MYOF: variants seen among roughly 807,000 people sequenced by gnomAD.
The protein encoded by MYOF is fer-1-like 3, myoferlin.
MYOF carries 244 observed loss-of-function variants against 284.2 expected under a neutral mutation model. The observed-to-expected ratio is 0.86, with a 90% CI of 0.77 to 0.95. MYOF has a LOEUF of 0.95. Among genes scored for constraint, MYOF ranks in the 40% least tolerant of loss-of-function variants. The pLI, the probability that MYOF is intolerant of heterozygous loss-of-function variation, is 0.00. For missense variants in MYOF, 2,496 were observed against 2,560.6 expected, an observed-to-expected ratio of 0.97 and a Z score of 0.54; for synonymous variants, 904 against 919.7, an observed-to-expected ratio of 0.98 and a Z score of 0.31.
intron 4 of MYOF, among the ~76,000 whole-genome samples, chr10:93,428,890 A>T (rs1055246110): frequency 9.2e-5 from 14 of 152,310 alleles, no homozygotes; most frequent in African/African-American, 3.4e-4. Context: ...TGTGGTTTTC[A>T]TGCTGTGTTC....
At chr10:93,445,367 C>G (rs935355519) in intron 3 of MYOF, among the ~76,000 whole-genome samples, 1 of 152,244 alleles carries the variant, frequency 6.6e-6, no homozygotes, top group African/African-American at 2.4e-5. Flanking sequence ...CTGGGCACAG[C>G]CCTTGGCACA....
Position 93,373,077 on chromosome 10 carries a change from G to A in MYOF, c.2310C>T (p.Asn770=). ...KLMQLTEEPQ[N]SMPDIIIWMI... is the part of the protein sequence containing the mutation. ...TCCAGATGATGATGTCAGGCATGCT[G>A]TTCTGTGGCTGGTCATGAGGATTGG... is the stretch of plus-strand genomic sequence containing the variant. Residue 770 remains asparagine, a synonymous_variant, in exon 24 of 54, where the codon AAC becomes AAT. Coordinates refer to ENST00000359263, the MANE Select transcript of MYOF (RefSeq NM_013451.4). 1.2e-6 allele frequency: 2 copies of A among 1,614,172 alleles called. No individual in the cohort carries two copies. Among genetic ancestry groups the A allele is most frequent in the Non-Finnish European group, 1.7e-6 (2 of 1,180,010 alleles).
In MYOF at chr10:93,381,755, G is replaced by T. The variant is rs180904226; in HGVS notation, c.1699-359C>A. 1.5e-4 allele frequency among the ~76,000 whole-genome samples: 23 copies of T among 152,194 alleles called. 1 individual carries two copies. The East Asian group carries it at 4.1e-3, about 27-fold the overall frequency. ...CCATGAAAAAAGAGTATATTTTTTGGGCTGGGTACGGTGGCTCATGCCTGT... is the reference window on the plus strand; with the variant it reads ...CCATGAAAAAAGAGTATATTTTTTGTGCTGGGTACGGTGGCTCATGCCTGT... On this transcript the variant is annotated intron_variant, in intron 19 of 53. Coordinates refer to ENST00000359263, the MANE Select transcript of MYOF (RefSeq NM_013451.4).
chr10:93,364,970 T>G (rs992888835), intron 26 of MYOF, among the ~76,000 whole-genome samples: 3 of 152,128 alleles, frequency 2.0e-5, no homozygotes, highest in Non-Finnish European at 4.4e-5. Context: ...AGCCCTGACA[T>G]GCTTTGACCT....
At chr10:93,377,756 T>G (rs58702687) in intron 21 of MYOF, among the ~76,000 whole-genome samples, 14,833 of 152,158 alleles carry the variant, frequency 0.097, 2,411 homozygotes, top group African/African-American at 0.34. Context: ...AGTAGGCTTA[T>G]TTTTCACAGT....
chr10:93,427,197 TAAAAC>T (rs1554861308), intron 4 of MYOF, among the ~76,000 whole-genome samples: 3 of 139,250 alleles, frequency 2.2e-5, no homozygotes, highest in Non-Finnish European at 4.6e-5. Flanking sequence ...GACTCTGTCT[TAAAAC>T]AAAACAAAAC....
rs1845216834 is a variant in MYOF, at chr10:93,364,132, G to T, written c.2754-57C>A. The T allele has an allele frequency of 7.5e-6, 11 of 1,464,140 alleles. No homozygotes were observed. The South Asian group carries it at 1.1e-4, about 15-fold the overall frequency. The allele number at this position is 1,464,140 out of a possible 1,614,324, so 90.7% of individuals were successfully genotyped here. On this transcript the variant is annotated intron_variant, in intron 26 of 53. Coordinates refer to ENST00000359263, the MANE Select transcript of MYOF (RefSeq NM_013451.4). ...GGAGACCGGGTAACCGGCAGCCTCG[G>T]CGATTGCCAACACTCAGGAAGCATC...
chr10:93,401,597 A>G (rs1412368378), intron 11 of MYOF, 53 bp from the exon 12 acceptor site: 2 of 1,593,374 alleles, frequency 1.3e-6, no homozygotes, highest in Admixed American at 1.7e-5. Flanking sequence ...GCACTTGGAA[A>G]AAGCCAAATT....
chr10:93,480,478 T>C (rs1381055598), intron 1 of MYOF, among the ~76,000 whole-genome samples: 1 of 138,364 alleles, frequency 7.2e-6, no homozygotes, highest in Non-Finnish European at 1.6e-5. Flanking sequence ...TTTTTTTTTT[T>C]TTTTTTTTTT....
rs777780121 is a variant in MYOF at position 93,409,595 on chromosome 10, G to A, written c.578C>T (p.Ser193Leu). ...TKVKNSRRML[S>L]NKPQDFQIRV... ...TACCTGGAAGTCCTGTGGCTTATTT[G>A]ACAGCATCCGCCGGCTGTTCTTTAC... The change falls in exon 6 of 54, where the codon TCA (serine) becomes TTA (leucine). Residue 193 changes from serine to leucine, a missense_variant. By Grantham distance (145) the Ser-to-Leu change is moderately radical. Coordinates refer to ENST00000359263, the MANE Select transcript of MYOF (RefSeq NM_013451.4). 6.2e-7 allele frequency: 1 copy of A among 1,614,018 alleles called. No individual in the cohort carries two copies. Among genetic ancestry groups the A allele is most frequent in the South Asian group, 1.1e-5 (1 of 91,072 alleles).
At chr10:93,369,260 T>G (rs1003826441) in intron 25 of MYOF, among the ~76,000 whole-genome samples, 2 of 143,326 alleles carry the variant, frequency 1.4e-5, no homozygotes, top group Non-Finnish European at 3.0e-5. Context: ...CCTGGGTTGG[T>G]GTGTGTGTGT....
chr10:93,387,715 C>T (rs1361733147), intron 19 of MYOF, 82 bp downstream of exon 19: 2 of 1,142,614 alleles, frequency 1.8e-6, no homozygotes, highest in Non-Finnish European at 2.6e-6. Context: ...AGTTGGGTTG[C>T]CTTCCGACTC....
intron 3 of MYOF, among the ~76,000 whole-genome samples, chr10:93,437,761 G>C (rs1159782264): frequency 6.6e-6 from 1 of 152,098 alleles, no homozygotes; most frequent in Non-Finnish European, 1.5e-5. Context: ...CAGGCCTATG[G>C]CCCTGGGGTT....
rs1822725115 is a variant in MYOF at position 93,351,214 on chromosome 10, G to A, written c.3904C>T (p.Gln1302Ter). ...MVPQGIRPVV[Q>*]LTAIEILAWG... ...CAGCATACCTCAATGGCAGTGAGCT[G>A]GACCACAGGCCTGATCCCCTGGGGG... The change falls in exon 35 of 54, where the codon CAG becomes TAG. Residue 1302 changes from glutamine to a stop codon, truncating the protein, a stop_gained. Coordinates refer to ENST00000359263, the MANE Select transcript of MYOF (RefSeq NM_013451.4). LOFTEE classifies it high-confidence loss of function. 1 of 1,614,180 alleles carries A rather than the reference G, an allele frequency of 6.2e-7. No homozygotes were observed. The highest frequency in any genetic ancestry group is 1.3e-5 in the African/African-American group (1 of 75,040).
At position 93,472,640 on chromosome 10, in the gene MYOF, A is replaced by G. The variant is rs979456676; in HGVS notation, c.88+9467T>C. On this transcript the variant is annotated intron_variant, in intron 1 of 53. Transcript: ENST00000359263. ...GGTGACAGAGCAACACTCCATCTCA[A>G]AACAAAAACAAAAACAAAAACAAAA... Among the ~76,000 whole-genome samples, 86 of 138,090 alleles carry G rather than the reference A, an allele frequency of 6.2e-4. 2 individuals are homozygous for G. The highest frequency in any genetic ancestry group is 1.5e-4 in the Non-Finnish European group (9 of 58,812). 90.6% of individuals were successfully genotyped at this position (138,090 alleles called of 152,430 possible). A position where few individuals can be genotyped will look rare whatever the true frequency, so the allele number is the denominator to read the frequency against.
At chr10:93,350,345 C>T (rs980271027) in intron 35 of MYOF, among the ~76,000 whole-genome samples, 3 of 151,870 alleles carry the variant, frequency 2.0e-5, no homozygotes, top group Non-Finnish European at 4.4e-5. Flanking sequence ...CAGAGTCTCA[C>T]TCTGTCACCC....
At position 93,316,926 on chromosome 10, in the gene MYOF, CCCTTGGGCCTAA is replaced by C. The variant is rs1279558357; in HGVS notation, c.5599-125_5599-114del. 9.1e-6 allele frequency: 7 copies of C among 766,136 alleles called. No homozygotes were observed. The African/African-American group carries it at 1.2e-4, about 13-fold the overall frequency. 47.5% of individuals were successfully genotyped at this position (766,136 alleles called of 1,614,324 possible). The stretch of plus-strand genomic sequence containing the variant: ...TCCTTTGCACCCCCACCCTGACACT[CCCTTGGGCCTAA>C]ATCCTTCCACTCTATCTGTACAGAG... On this transcript the variant is annotated intron_variant, in intron 49 of 53. Coordinates refer to ENST00000359263, the MANE Select transcript of MYOF (RefSeq NM_013451.4).
At position 93,310,714 on chromosome 10, in the gene MYOF, G is replaced by C. The variant is rs568409063; in HGVS notation, c.5890-71C>G. On this transcript the variant is annotated intron_variant, in intron 51 of 53. Coordinates refer to ENST00000359263, the MANE Select transcript of MYOF (RefSeq NM_013451.4). ...AAATATTTTTACTTCAACCCAAGGA[G>C]TATTCCCCGAGCAATGATTTTTATT... 2.2e-6 allele frequency: 3 copies of C among 1,367,068 alleles called. No homozygotes were observed. In the East Asian group the frequency reaches 7.0e-5, roughly 32 times the overall value. 84.7% of individuals were successfully genotyped at this position (1,367,068 alleles called of 1,614,324 possible).
At chr10:93,311,547 C>G (rs1377634552) in intron 51 of MYOF, among the ~76,000 whole-genome samples, 1 of 151,046 alleles carries the variant, frequency 6.6e-6, no homozygotes, top group Non-Finnish European at 1.5e-5. Context: ...AGAGATCGCA[C>G]CACTGCACTC....
Sources: gnomAD v4.1 joint callset for allele counts (sites outside exome capture counted in the v4.1 genomes callset) on GRCh38, gnomAD v4.1.1 for gene constraint, MANE v1.5 for transcripts, NCBI Gene and HGNC (gene_info 2026-07-23, HGNC 2026-07-21) for gene names.